The following NBEA variants were observed in gnomAD, a reference collection of about 807,000 sequenced individuals.
The protein encoded by NBEA is lysosomal-trafficking regulator 2.
NBEA carries 44 observed loss-of-function variants against 343.4 expected under a neutral mutation model. That is an observed-to-expected ratio of 0.13 (90% CI 0.10 to 0.16). The LOEUF (loss-of-function observed/expected upper bound fraction) is 0.16. Among genes scored for constraint, NBEA ranks in the 10% least tolerant of loss-of-function variants. The pLI is 1.00. For synonymous variants in NBEA, 1,175 were observed against 1,238.7 expected (o/e 0.95, Z 1.08); for missense variants, 2,555 against 3,631.3 (o/e 0.70, Z 7.62).
intron 38 of NBEA, among the ~76,000 whole-genome samples, chr13:35,372,681 C>T (rs1044296323): frequency 6.6e-6 from 1 of 152,068 alleles, no homozygotes; most frequent in African/African-American, 2.4e-5. Flanking sequence ...GTAGCAGCTT[C>T]GTGTGGTGGT....
chr13:35,533,176 A>C (rs570542010), intron 41 of NBEA, among the ~76,000 whole-genome samples: 3 of 152,174 alleles, frequency 2.0e-5, no homozygotes, highest in African/African-American at 7.2e-5. Flanking sequence ...GATTTTTACC[A>C]ATCTGATAGA....
At chr13:35,184,880 G>A (rs965205890) in intron 30 of NBEA, among the ~76,000 whole-genome samples, 2 of 152,116 alleles carry the variant, frequency 1.3e-5, no homozygotes, top group African/African-American at 4.8e-5. Flanking sequence ...ATAGCTCCAA[G>A]ATTTTCCTGT....
chr13:35,128,304 A>G (rs2152682956), intron 17 of NBEA, among the ~76,000 whole-genome samples: 1 of 152,260 alleles, frequency 6.6e-6, no homozygotes, highest in Non-Finnish European at 1.5e-5. Flanking sequence ...ACAAGCCAAA[A>G]AGCAATAACC....
At chr13:35,415,273 A>G (rs1797384717) in intron 38 of NBEA, among the ~76,000 whole-genome samples, 1 of 152,090 alleles carries the variant, frequency 6.6e-6, no homozygotes, top group Non-Finnish European at 1.5e-5. Flanking sequence ...TTTTGTTGCC[A>G]TTGCTTTTGG....
intron 40 of NBEA, among the ~76,000 whole-genome samples, chr13:35,454,787 G>C (rs537540419): frequency 6.6e-6 from 1 of 152,200 alleles, no homozygotes; most frequent in East Asian, 1.9e-4. Flanking sequence ...ATGAACCCGG[G>C]AGGCAGAGCT....
chr13:35,068,165 TA>T (rs1172309361), intron 8 of NBEA, among the ~76,000 whole-genome samples: 1 of 152,172 alleles, frequency 6.6e-6, no homozygotes, highest in East Asian at 1.9e-4. Flanking sequence ...TTTTTAAACC[TA>T]AAACTTGTAG....
At chr13:35,467,974 T>A (rs1459143128) in intron 40 of NBEA, among the ~76,000 whole-genome samples, 1 of 152,194 alleles carries the variant, frequency 6.6e-6, no homozygotes, top group East Asian at 1.9e-4. Context: ...CCAACTCTTT[T>A]TTTTCCATAC....
At chr13:35,606,730 T>C (rs906062776) in intron 48 of NBEA, among the ~76,000 whole-genome samples, 152 bp downstream of exon 48, 1 of 152,206 alleles carries the variant, frequency 6.6e-6, no homozygotes, top group African/African-American at 2.4e-5. Flanking sequence ...GAAAACATTT[T>C]ACTGTTGTCT....
chr13:35,390,604 C>A (rs2042455375), intron 38 of NBEA, among the ~76,000 whole-genome samples: 1 of 152,050 alleles, frequency 6.6e-6, no homozygotes, highest in African/African-American at 2.4e-5. Context: ...AAGTGGGGGA[C>A]TGGAATGGGG....
intron 30 of NBEA, among the ~76,000 whole-genome samples, chr13:35,189,886 C>G (rs1469998686): frequency 6.6e-6 from 1 of 152,084 alleles, no homozygotes; most frequent in Non-Finnish European, 1.5e-5. Context: ...AAGAAAAACT[C>G]TAGACCTTTA....
At chr13:35,213,359 A>G (rs2073892344) in intron 33 of NBEA, among the ~76,000 whole-genome samples, 1 of 152,040 alleles carries the variant, frequency 6.6e-6, no homozygotes. Flanking sequence ...CTTAGGTTTA[A>G]TAAATATTGA....
At chr13:35,099,242 A>G (rs2065506262) in intron 11 of NBEA, among the ~76,000 whole-genome samples, 3 of 126,342 alleles carry the variant, frequency 2.4e-5, no homozygotes, top group Non-Finnish European at 1.6e-5. Flanking sequence ...TTTGTCACCC[A>G]GGCTGGAGTG....
intron 1 of NBEA, among the ~76,000 whole-genome samples, chr13:34,969,304 T>G (rs537627726): frequency 1.2e-4 from 19 of 152,078 alleles, no homozygotes; most frequent in African/African-American, 4.6e-4. Flanking sequence ...ACATTTAAAA[T>G]TTTTTGGTTT....
At chr13:35,291,442 A>T (rs1341581639) in intron 35 of NBEA, among the ~76,000 whole-genome samples, 1 of 151,902 alleles carries the variant, frequency 6.6e-6, no homozygotes, top group Non-Finnish European at 1.5e-5. Flanking sequence ...TATTCCTAGG[A>T]AAATCATTAG....
chr13:35,460,482 A>G (rs973708887), intron 40 of NBEA, among the ~76,000 whole-genome samples: 2 of 152,226 alleles, frequency 1.3e-5, no homozygotes, highest in East Asian at 1.9e-4. Flanking sequence ...CTTAATTTTT[A>G]TATCAGTTAA....
At chr13:34,953,486 C>G (rs1410380711) in intron 1 of NBEA, among the ~76,000 whole-genome samples, 1 of 152,098 alleles carries the variant, frequency 6.6e-6, no homozygotes, top group Non-Finnish European at 1.5e-5. Context: ...AACAGCTCAT[C>G]TTTCAAGATT....
At chr13:35,056,203 A>G in intron 7 of NBEA, 74 bp downstream of exon 7, 1 of 1,210,400 alleles carries the variant, frequency 8.3e-7, no homozygotes, top group Admixed American at 3.4e-5. Context: ...TGAATTAAAT[A>G]ATAAAATAGT....
chr13:35,328,671 G>A (rs761706638), intron 36 of NBEA, among the ~76,000 whole-genome samples: 5 of 151,672 alleles, frequency 3.3e-5, no homozygotes, highest in African/African-American at 7.3e-5. Context: ...ATTTAAAAAT[G>A]TGGAGACACG....
chr13:35,410,027 G>T (rs2043493406), intron 38 of NBEA, among the ~76,000 whole-genome samples: 1 of 151,882 alleles, frequency 6.6e-6, no homozygotes, highest in African/African-American at 2.4e-5. Context: ...TTTGATACTG[G>T]CATTTATTAC....
Sources: allele counts gnomAD v4.1 joint callset (sites outside exome capture counted in the v4.1 genomes callset), GRCh38; gene constraint gnomAD v4.1.1; transcripts MANE v1.5; gene names NCBI Gene and HGNC (gene_info 2026-07-23, HGNC 2026-07-21).